The following IGF1R variants were observed in gnomAD, a reference collection of about 807,000 sequenced individuals.
IGF1R encodes insulin-like growth factor 1 receptor.
Under a neutral mutation model 144.6 loss-of-function variants are expected in IGF1R, and 44 were observed. The ratio of observed to expected loss-of-function variants is 0.30; its 90% CI spans 0.24 to 0.39. The LOEUF (loss-of-function observed/expected upper bound fraction) is 0.39, where lower values mean the gene tolerates loss of function less well. Ranked by LOEUF, IGF1R falls within the 10% of genes least tolerant of loss-of-function variation. The pLI, the probability that IGF1R is intolerant of heterozygous loss-of-function variation, is 1.00. For missense variants in IGF1R, 1,355 were observed against 1,833.7 expected (o/e 0.74, Z 4.77); for synonymous variants, 795 against 722.8 (o/e 1.10, Z -1.60).
intron 2 of IGF1R, among the ~76,000 whole-genome samples, chr15:98,861,753 C>T (rs1369769027): frequency 6.6e-6 from 1 of 152,224 alleles, no homozygotes; most frequent in Non-Finnish European, 1.5e-5. Flanking sequence ...CTTAGCATGG[C>T]TCTTGGTACA....
At chr15:98,732,054 C>T (rs1024618138) in intron 2 of IGF1R, among the ~76,000 whole-genome samples, 4 of 152,228 alleles carry the variant, frequency 2.6e-5, no homozygotes, top group African/African-American at 9.6e-5. Context: ...AACTACTGAG[C>T]TCAGCTTTGG....
intron 2 of IGF1R, among the ~76,000 whole-genome samples, chr15:98,736,930 G>A (rs997598666): frequency 1.3e-5 from 2 of 152,036 alleles, no homozygotes; most frequent in African/African-American, 4.8e-5. Flanking sequence ...TATTTTCAAA[G>A]AGAACAACAA....
At chr15:98,651,049 A>G (rs779276446) in intron 1 of IGF1R, 100 of 985,290 alleles carry the variant, frequency 1.0e-4, no homozygotes, top group Non-Finnish European at 1.1e-4. Context: ...TAAATGTCGC[A>G]GAACTGGGAC....
chr15:98,903,997 T>C (rs926410816), intron 5 of IGF1R, among the ~76,000 whole-genome samples: 4 of 151,370 alleles, frequency 2.6e-5, no homozygotes, highest in Non-Finnish European at 5.9e-5. Flanking sequence ...TGAGTAGTGG[T>C]GATGGTTGGA....
chr15:98,924,554 A>G lies in IGF1R; in HGVS notation c.2652A>G (p.Glu884=), dbSNP rs1386678239. ...AGCGAGAATGTGTGTCCAGACAGGA[A>G]TACAGGAAGTATGGAGGGGCCAAGC... ...EDQRECVSRQ[E]YRKYGGAKLN... is the part of the protein sequence containing the mutation. Residue 884 remains glutamate (E), a synonymous_variant, in exon 13 of 21, where the codon GAA becomes GAG. Coordinates refer to ENST00000650285, the MANE Select transcript of IGF1R (RefSeq NM_000875.5). 2 of 1,614,082 alleles carry G rather than the reference A, an allele frequency of 1.2e-6. No individual in the cohort carries two copies. Among genetic ancestry groups the G allele is most frequent in the African/African-American group, 1.3e-5 (1 of 74,940 alleles).
chr15:98,831,987 G>A (rs549476494), intron 2 of IGF1R, among the ~76,000 whole-genome samples: 15 of 152,260 alleles, frequency 9.9e-5, no homozygotes, highest in Admixed American at 9.2e-4. Context: ...CAAAGGATGA[G>A]GAAGGGGGGT....
chr15:98,841,941 G>T lies in IGF1R; in HGVS notation c.641-49384G>T, dbSNP rs555992172. ...CTCGAGGAGAACGGTTTTTGTTTCT[G>T]TCTTCCTGGAAAAGAGGTGACTGCT... On this transcript the variant is annotated intron_variant, in intron 2 of 20. Transcript: ENST00000650285. 4.6e-5 allele frequency among the ~76,000 whole-genome samples: 7 copies of T among 152,294 alleles called. 1 individual carries two copies. In the South Asian group the frequency reaches 1.2e-3, roughly 27 times the overall value.
chr15:98,942,600 A>C (rs980975363), intron 18 of IGF1R, among the ~76,000 whole-genome samples: 2 of 152,152 alleles, frequency 1.3e-5, no homozygotes, highest in African/African-American at 2.4e-5. Context: ...TGGCCTCCCA[A>C]AGTGCTGGGA....
In IGF1R at chr15:98,689,272, T is replaced by C. The variant is rs368439705; in HGVS notation, c.95-18290T>C. Among the ~76,000 whole-genome samples the C allele has an allele frequency of 5.2e-4, 74 of 142,352 alleles. 3 individuals are homozygous for C. Among genetic ancestry groups the C allele is most frequent in the African/African-American group, 1.9e-3 (72 of 38,136 alleles). The allele number at this position is 142,352 out of a possible 152,430, so 93.4% of individuals were successfully genotyped here. On this transcript the variant is annotated intron_variant, in intron 1 of 20. Transcript: ENST00000650285. ...TTTTTTTTTTTTGACAGAGTCTTGC[T>C]CTGTCACCCAGGCTGGGGTGCAGTG... is the stretch of plus-strand genomic sequence containing the variant.
intron 2 of IGF1R, among the ~76,000 whole-genome samples, chr15:98,835,281 C>T (rs151294258): frequency 3.3e-5 from 5 of 152,266 alleles, no homozygotes; most frequent in Non-Finnish European, 5.9e-5. Flanking sequence ...ACAACTAGCA[C>T]ACTTGTTGCT....
intron 2 of IGF1R, among the ~76,000 whole-genome samples, chr15:98,856,168 AG>A (rs2011805461): frequency 6.6e-6 from 1 of 152,258 alleles, no homozygotes; most frequent in Non-Finnish European, 1.5e-5. Context: ...GGAGGCCTGC[AG>A]GGCAGGTGCT....
rs2017112645 is a variant in IGF1R, at chr15:98,958,780, C to CT, written c.*1341dup. On this transcript the variant is annotated 3_prime_UTR_variant, in exon 21 of 21. Transcript: ENST00000650285. ...AAAACCTTCAGGTCCACCCTCTCCC[C>CT]TTTCTGCTCACTCCAAGAAACTTCT... 8.6e-6 allele frequency: 2 copies of CT among 232,956 alleles called. No individual in the cohort carries two copies. Among genetic ancestry groups the CT allele is most frequent in the South Asian group, 3.6e-4 (2 of 5,518 alleles). 14.4% of individuals were successfully genotyped at this position (232,956 alleles called of 1,614,324 possible). A position where few individuals can be genotyped will look rare whatever the true frequency, so the allele number is the denominator to read the frequency against.
chr15:98,711,120 T>C, intron 2 of IGF1R, among the ~76,000 whole-genome samples: 1 of 152,172 alleles, frequency 6.6e-6, no homozygotes, highest in Non-Finnish European at 1.5e-5. Flanking sequence ...GCAGCGCTCA[T>C]AGCCCCGCAT....
intron 2 of IGF1R, among the ~76,000 whole-genome samples, chr15:98,881,206 G>C (rs1175481008): frequency 3.3e-5 from 5 of 152,220 alleles, no homozygotes; most frequent in Non-Finnish European, 7.3e-5. Flanking sequence ...ACCTCTTAGT[G>C]TGGCGGAGAA....
Position 98,961,578 on chromosome 15 carries a change from ATTTTCCATGCAACCTCCTTC to A in IGF1R, c.*4138_*4157del, listed in dbSNP as rs1201052240. On this transcript the variant is annotated 3_prime_UTR_variant, in exon 21 of 21. Coordinates refer to ENST00000650285, the MANE Select transcript of IGF1R (RefSeq NM_000875.5). ...AAATAATCTTAAGCTGAGTTGTGGCATTTTCCATGCAACCTCCTTCTGCCAGCAGCTCACACTGCTTGAAG... is the reference window on the plus strand; with the variant it reads ...AAATAATCTTAAGCTGAGTTGTGGCATGCCAGCAGCTCACACTGCTTGAAG... 2.1e-5 allele frequency: 5 copies of A among 233,494 alleles called. No individual in the cohort carries two copies. Among genetic ancestry groups the A allele is most frequent in the Non-Finnish European group, 4.2e-5 (5 of 118,052 alleles). The allele number at this position is 233,494 out of a possible 1,614,324, so 14.5% of individuals were successfully genotyped here. A position where few individuals can be genotyped will look rare whatever the true frequency, so the allele number is the denominator to read the frequency against.
rs748945253 is a variant in IGF1R, at chr15:98,913,289, A to G, written c.1828+7A>G. 1.9e-6 allele frequency: 3 copies of G among 1,605,012 alleles called. No individual in the cohort carries two copies. The highest frequency in any genetic ancestry group is 2.2e-5 in the East Asian group (1 of 44,848). On this transcript the variant is annotated splice_region_variant and intron_variant, in intron 8 of 20. Transcript: ENST00000650285. ...ATTCGCACCAATGCTTCAGGTATCC[A>G]TGCCTAGACAAGCCCCCAGCATCCA...
chr15:98,650,515 C>T (rs1012502789), intron 1 of IGF1R, among the ~76,000 whole-genome samples: 1 of 152,208 alleles, frequency 6.6e-6, no homozygotes, highest in Non-Finnish European at 1.5e-5. Flanking sequence ...TCTCCCGGGC[C>T]GGGGGATGGA....
intron 1 of IGF1R, among the ~76,000 whole-genome samples, chr15:98,668,724 TTC>T (rs1419796496): frequency 1.3e-5 from 2 of 152,198 alleles, no homozygotes; most frequent in East Asian, 3.9e-4. Flanking sequence ...TGTAAGTACA[TTC>T]CTCCTCTCTC....
At chr15:98,835,210 G>A (rs1415921486) in intron 2 of IGF1R, among the ~76,000 whole-genome samples, 1 of 145,052 alleles carries the variant, frequency 6.9e-6, no homozygotes, top group African/African-American at 2.7e-5. Context: ...TTCCCACACA[G>A]ACCTACACCC....
Sources: allele counts gnomAD v4.1 joint callset (sites outside exome capture counted in the v4.1 genomes callset), GRCh38; gene constraint gnomAD v4.1.1; transcripts MANE v1.5; gene names NCBI Gene and HGNC (gene_info 2026-07-23, HGNC 2026-07-21).